The following AGO4 variants were observed in gnomAD, a reference collection of about 807,000 sequenced individuals.
The protein encoded by AGO4 is argonaute RISC component 4.
Under a neutral mutation model 104.7 loss-of-function variants are expected in AGO4, and 33 were observed. That is an observed-to-expected ratio of 0.32 (90% CI 0.24 to 0.42). AGO4 has a LOEUF of 0.42. Among genes scored for constraint, AGO4 ranks in the 10% least tolerant of loss-of-function variants. The pLI, the probability that AGO4 is intolerant of heterozygous loss-of-function variation, is 1.00. For synonymous variants in AGO4, 331 were observed against 364.7 expected (o/e 0.91, Z 1.05); for missense variants, 711 against 1,083.4 (o/e 0.66, Z 4.83).
intron 2 of AGO4, 145 bp downstream of exon 2, chr1:35,817,192 T>C: frequency 1.2e-6 from 1 of 822,978 alleles, no homozygotes; most frequent in South Asian, 2.4e-5. Context: ...TGCTGTCTCA[T>C]GCTTGGTTAT....
At chr1:35,816,816 A>AAT in intron 1 of AGO4, 66 bp from the exon 2 acceptor site, 11 of 1,179,142 alleles carry the variant, frequency 9.3e-6, no homozygotes, top group Non-Finnish European at 1.3e-5. Flanking sequence ...AAAAAAAAAA[A>AAT]AAAAAGAAAG....
chr1:35,835,389 T>G (rs970989711), intron 12 of AGO4, among the ~76,000 whole-genome samples: 1 of 152,172 alleles, frequency 6.6e-6, no homozygotes, highest in African/African-American at 2.4e-5. Flanking sequence ...GTCTTTAACC[T>G]TCTCTCTACA....
At chr1:35,837,812 G>C (rs901037989) in intron 13 of AGO4, among the ~76,000 whole-genome samples, 1 of 152,040 alleles carries the variant, frequency 6.6e-6, no homozygotes, top group Admixed American at 6.6e-5. Context: ...ATATCCTATA[G>C]GCAAACAGGA....
intron 8 of AGO4, 52 bp downstream of exon 8, chr1:35,831,626 T>TA (rs1357573203): frequency 3.2e-6 from 5 of 1,580,692 alleles, no homozygotes; most frequent in Non-Finnish European, 4.3e-6. Flanking sequence ...TGAGTATATA[T>TA]TTTTAAGTAG....
intron 2 of AGO4, among the ~76,000 whole-genome samples, chr1:35,821,195 G>A (rs1288089585): frequency 6.6e-6 from 1 of 152,156 alleles, no homozygotes; most frequent in Non-Finnish European, 1.5e-5. Flanking sequence ...ATTTAAGAAT[G>A]TAAGATGAGA....
At chr1:35,822,649 C>T (rs1275511761) in intron 2 of AGO4, among the ~76,000 whole-genome samples, 2 of 152,166 alleles carry the variant, frequency 1.3e-5, no homozygotes, top group African/African-American at 2.4e-5. Context: ...TTTTATTCCC[C>T]ATTTCTGATA....
intron 2 of AGO4, 146 bp downstream of exon 2, chr1:35,817,193 G>C (rs1355314447): frequency 4.9e-6 from 4 of 820,366 alleles, no homozygotes. Flanking sequence ...GCTGTCTCAT[G>C]CTTGGTTATC....
At chr1:35,815,942 A>C (rs1395952995) in intron 1 of AGO4, among the ~76,000 whole-genome samples, 3 of 152,318 alleles carry the variant, frequency 2.0e-5, no homozygotes, top group African/African-American at 7.2e-5. Flanking sequence ...AGTCCATAGT[A>C]CAGGTTAGGC....
chr1:35,822,668 CA>C (rs1438818961), intron 2 of AGO4, among the ~76,000 whole-genome samples, 193 bp from the exon 3 acceptor site: 4 of 152,208 alleles, frequency 2.6e-5, no homozygotes, highest in Non-Finnish European at 1.5e-5. Context: ...TATCATCTTA[CA>C]GTTGTTTTTG....
At chr1:35,826,860 T>A in intron 7 of AGO4, 25 bp downstream of exon 7, 2 of 1,603,346 alleles carry the variant, frequency 1.2e-6, no homozygotes, top group Non-Finnish European at 1.7e-6. Flanking sequence ...TCTAAAGTAA[T>A]ACAATTACAT....
rs531223229 is a variant in AGO4 at position 35,837,640 on chromosome 1, G to A, written c.1724+1647G>A. 5.3e-5 allele frequency among the ~76,000 whole-genome samples: 8 copies of A among 151,806 alleles called. 1 individual carries two copies. Among genetic ancestry groups the A allele is most frequent in the Non-Finnish European group, 1.0e-4 (7 of 67,880 alleles). On this transcript the variant is annotated intron_variant, in intron 13 of 17. Coordinates refer to ENST00000373210, the MANE Select transcript of AGO4 (RefSeq NM_017629.4). The stretch of plus-strand genomic sequence containing the variant: ...AACAGTCCTCCTGGCTCAGCCTCCC[G>A]AAGTGCTGGGATTACAGGCATGAGC...
intron 15 of AGO4, among the ~76,000 whole-genome samples, 186 bp from the exon 16 acceptor site, chr1:35,849,971 A>T (rs910148145): frequency 1.3e-5 from 2 of 152,158 alleles, no homozygotes; most frequent in South Asian, 4.1e-4. Context: ...TGTTTGTGAA[A>T]ATACTATAGG....
intron 15 of AGO4, among the ~76,000 whole-genome samples, chr1:35,844,188 C>T (rs1644512959): frequency 6.6e-6 from 1 of 152,076 alleles, no homozygotes; most frequent in Admixed American, 6.6e-5. Flanking sequence ...ACTACAGGCA[C>T]TCACCATCAC....
rs1050759213 is a variant in AGO4, at chr1:35,808,163, C to T, written c.-254C>T. On this transcript the variant is annotated 5_prime_UTR_variant, in exon 1 of 18. Coordinates refer to ENST00000373210, the MANE Select transcript of AGO4 (RefSeq NM_017629.4). This position sits in a 1 kb window ranked among gnomAD's most constrained non-coding sequence, Gnocchi z 5.2. ...GCGCGCGCGCTGGCTCCCGCTCCCGCTCCCGTTGGCGGCGGCGGCGGCGGC... is the reference window on the plus strand; with the variant it reads ...GCGCGCGCGCTGGCTCCCGCTCCCGTTCCCGTTGGCGGCGGCGGCGGCGGC... 2.5e-5 allele frequency: 4 copies of T among 158,940 alleles called. No individual in the cohort carries two copies. Among genetic ancestry groups the T allele is most frequent in the Non-Finnish European group, 5.2e-5 (4 of 76,692 alleles). 9.8% of individuals were successfully genotyped at this position (158,940 alleles called of 1,614,324 possible).
intron 7 of AGO4, among the ~76,000 whole-genome samples, chr1:35,830,285 G>C (rs989990194): frequency 6.6e-6 from 1 of 151,968 alleles, no homozygotes; most frequent in African/African-American, 2.4e-5. Flanking sequence ...ATTTGGTCTT[G>C]TTGTCTCCAG....
chr1:35,837,627 G>T (rs1051253067), intron 13 of AGO4, among the ~76,000 whole-genome samples: 1 of 151,122 alleles, frequency 6.6e-6, no homozygotes, highest in Non-Finnish European at 1.5e-5. Context: ...CAGTCCTCCT[G>T]GCTCAGCCTC....
chr1:35,808,257 G>C lies in AGO4; in HGVS notation c.-160G>C, dbSNP rs1247733196. ...GGAGCCGGGTCCCTGTCCCCGGGCC[G>C]GGCGCCGCCGCCGCCCCCTGCCCAG... is the stretch of plus-strand genomic sequence containing the variant. On this transcript the variant is annotated 5_prime_UTR_variant, in exon 1 of 18. Transcript: ENST00000373210. The surrounding 1 kb of genome is among the most constrained non-coding windows in gnomAD (Gnocchi z 5.2). 5.3e-6 allele frequency: 1 copy of C among 187,356 alleles called. No homozygotes were observed. The highest frequency in any genetic ancestry group is 9.9e-6 in the Non-Finnish European group (1 of 101,042). 11.6% of individuals were successfully genotyped at this position (187,356 alleles called of 1,614,324 possible). A position where few individuals can be genotyped will look rare whatever the true frequency, so the allele number is the denominator to read the frequency against.
At position 35,855,668 on chromosome 1, in the gene AGO4, T is replaced by C. The variant is rs1369519213; in HGVS notation, c.*2063T>C. The C allele has an allele frequency of 6.6e-6, 1 of 151,832 alleles. No homozygotes were observed. Among genetic ancestry groups the C allele is most frequent in the African/African-American group, 2.4e-5 (1 of 41,304 alleles). 9.4% of individuals were successfully genotyped at this position (151,832 alleles called of 1,614,324 possible). ...AAAATTTTCCTTTTTTTTTTTTTTT[T>C]TTGCAAATACCTCACTTGGATAATA... On this transcript the variant is annotated 3_prime_UTR_variant, in exon 18 of 18. Coordinates refer to ENST00000373210, the MANE Select transcript of AGO4 (RefSeq NM_017629.4).
intron 7 of AGO4, among the ~76,000 whole-genome samples, chr1:35,828,701 G>A (rs907829060): frequency 4.0e-5 from 6 of 151,740 alleles, no homozygotes; most frequent in African/African-American, 1.5e-4. Context: ...TTGTATTTTT[G>A]GTAGAGACAG....
Sources: allele counts gnomAD v4.1 joint callset (sites outside exome capture counted in the v4.1 genomes callset), GRCh38; gene constraint gnomAD v4.1.1; non-coding constraint Gnocchi (gnomAD v3.1); transcripts MANE v1.5; gene names NCBI Gene and HGNC (gene_info 2026-07-23, HGNC 2026-07-21).